The following UNC79 variants were observed in gnomAD, a reference collection of about 807,000 sequenced individuals.
The protein encoded by UNC79 is protein unc-79 homolog.
Under a neutral mutation model 283.1 loss-of-function variants are expected in UNC79, and 37 were observed. The ratio of observed to expected loss-of-function variants is 0.13; its 90% CI spans 0.10 to 0.17. The LOEUF is 0.17. UNC79 is among the 10% of genes least tolerant of loss of function. UNC79 has a pLI of 1.00. For synonymous variants in UNC79, 1,107 were observed against 1,200.2 expected (o/e 0.92, Z 1.61); for missense variants, 2,272 against 3,211.1 (o/e 0.71, Z 7.07).
intron 25 of UNC79, among the ~76,000 whole-genome samples, 181 bp downstream of exon 25, chr14:93,600,951 T>C (rs1331959531): frequency 6.6e-6 from 1 of 152,224 alleles, no homozygotes; most frequent in Non-Finnish European, 1.5e-5. Context: ...AAGCATATCC[T>C]GGCATTCCAA....
In UNC79 at chr14:93,618,370, C is replaced by G. The variant is rs2139867946; in HGVS notation, c.4387+16C>G. ...AAAGAAAAAGGTACATATCTAAATT[C>G]TATCCCAAACCTAGCTTCAATACAT... is the stretch of plus-strand genomic sequence containing the variant. On this transcript the variant is annotated intron_variant, in intron 29 of 48. Coordinates refer to ENST00000555664, the Ensembl canonical transcript of UNC79. 6.3e-7 allele frequency: 1 copy of G among 1,595,080 alleles called. No individual in the cohort carries two copies. The highest frequency in any genetic ancestry group is 8.5e-7 in the Non-Finnish European group (1 of 1,172,648).
intron 19 of UNC79, among the ~76,000 whole-genome samples, chr14:93,580,980 A>G (rs1250699732): frequency 6.6e-6 from 1 of 152,066 alleles, no homozygotes; most frequent in African/African-American, 2.4e-5. Context: ...AAGTGCTGGG[A>G]TTACAGGCAT....
chr14:93,560,495 G>A (rs374011456), intron 14 of UNC79, among the ~76,000 whole-genome samples: 1 of 152,150 alleles, frequency 6.6e-6, no homozygotes, highest in South Asian at 2.1e-4. Flanking sequence ...GAGAGGCTAC[G>A]GAAGGTCGTG....
At chr14:93,393,633 G>A (rs1017936559) in intron 1 of UNC79, among the ~76,000 whole-genome samples, 4 of 152,094 alleles carry the variant, frequency 2.6e-5, no homozygotes, top group South Asian at 2.1e-4. Context: ...ACTTTTCTAG[G>A]TAGACTGGAT....
chr14:93,610,102 T>G (rs146272560), intron 26 of UNC79, among the ~76,000 whole-genome samples: 131 of 152,322 alleles, frequency 8.6e-4, no homozygotes, highest in African/African-American at 3.0e-3. Flanking sequence ...GGTTGCACAT[T>G]GTTTAGAAAC....
intron 33 of UNC79, 135 bp downstream of exon 36, chr14:93,641,382 A>G (rs1047039934): frequency 1.3e-6 from 1 of 791,514 alleles, no homozygotes; most frequent in Non-Finnish European, 2.0e-6. Context: ...TGCCTGGCAC[A>G]CAGATGCTTG....
chr14:93,540,592 C>T (rs2061329907), intron 12 of UNC79, 68 bp from the exon 13 acceptor site: 1 of 1,552,300 alleles, frequency 6.4e-7, no homozygotes, highest in African/African-American at 1.4e-5. Flanking sequence ...GGTACTTCCT[C>T]TGAATGGGTC....
chr14:93,666,750 A>G (rs1212014301), intron 40 of UNC79, among the ~76,000 whole-genome samples: 1 of 152,240 alleles, frequency 6.6e-6, no homozygotes, highest in African/African-American at 2.4e-5. Flanking sequence ...AGTGGATGCA[A>G]CGGTCATATA....
chr14:93,509,312 C>T (rs1164008505), intron 7 of UNC79, among the ~76,000 whole-genome samples: 1 of 152,088 alleles, frequency 6.6e-6, no homozygotes, highest in Non-Finnish European at 1.5e-5. Flanking sequence ...CCCTTGGCCC[C>T]TCCAAAATAT....
chr14:93,682,761 CT>C, intron 42 of UNC79, 67 bp downstream of exon 45: 1 of 1,500,880 alleles, frequency 6.7e-7, no homozygotes, highest in South Asian at 1.2e-5. Context: ...AGAATGTAGG[CT>C]TTAGACTTAC....
intron 1 of UNC79, among the ~76,000 whole-genome samples, chr14:93,351,677 T>A (rs1443296023): frequency 6.6e-6 from 1 of 152,202 alleles, no homozygotes; most frequent in African/African-American, 2.4e-5. Context: ...TGTGTATATA[T>A]ACACATTTAT....
At chr14:93,664,919 C>G (rs1341918945) in intron 40 of UNC79, among the ~76,000 whole-genome samples, 1 of 151,988 alleles carries the variant, frequency 6.6e-6, no homozygotes, top group African/African-American at 2.4e-5. Context: ...AACATGAGCT[C>G]ATAATCTAAA....
intron 1 of UNC79, among the ~76,000 whole-genome samples, chr14:93,415,447 T>C (rs79100800): frequency 1.3e-4 from 19 of 151,652 alleles, no homozygotes; most frequent in African/African-American, 3.7e-4. Context: ...ATTTTTTGCA[T>C]CAATGTTCAT....
intron 1 of UNC79, among the ~76,000 whole-genome samples, chr14:93,376,784 TA>T (rs2054568452): frequency 6.6e-6 from 1 of 151,644 alleles, no homozygotes; most frequent in Admixed American, 6.6e-5. Flanking sequence ...AATATACTCC[TA>T]GGTTGGAATT....
At chr14:93,669,308 G>A (rs879823555) in intron 40 of UNC79, among the ~76,000 whole-genome samples, 1 of 152,144 alleles carries the variant, frequency 6.6e-6, no homozygotes, top group Non-Finnish European at 1.5e-5. Flanking sequence ...ATAGAGAAGG[G>A]TTATGAGGCT....
At position 93,582,283 on chromosome 14, in the gene UNC79, G is replaced by A. The variant is rs763531213; in HGVS notation, c.2742G>A (p.Glu914=). 9.3e-6 allele frequency: 15 copies of A among 1,614,060 alleles called. No homozygotes were observed. The African/African-American group carries it at 2.0e-4, about 22-fold the overall frequency. Residue 914 remains glutamate, a synonymous_variant, in exon 20 of 49, where the codon GAG becomes GAA. Coordinates refer to ENST00000555664, the Ensembl canonical transcript of UNC79. ...TAGGCCCTGAAGGGGAGGAGGAGGAGAATCCTGCAAGCAAGCATGGGGAGA... is the reference window on the plus strand; with the variant it reads ...TAGGCCCTGAAGGGGAGGAGGAGGAAAATCCTGCAAGCAAGCATGGGGAGA...
chr14:93,542,751 T>G, intron 14 of UNC79, 55 bp downstream of exon 14: 1 of 1,581,360 alleles, frequency 6.3e-7, no homozygotes, highest in South Asian at 1.1e-5. Context: ...TGGGGAGAAG[T>G]GCTGCCTTAG....
intron 30 of UNC79, 33 bp downstream of exon 32, chr14:93,622,874 A>T: frequency 6.3e-7 from 1 of 1,594,078 alleles, no homozygotes; most frequent in South Asian, 1.1e-5. Flanking sequence ...TCTCAGCCTT[A>T]ACTTTAAGTT....
At chr14:93,459,961 C>T (rs2056904862) in intron 1 of UNC79, among the ~76,000 whole-genome samples, 1 of 113,754 alleles carries the variant, frequency 8.8e-6, no homozygotes, top group Non-Finnish European at 1.8e-5. Flanking sequence ...TGAGCCACCG[C>T]GCCCGGCCCT....
Sources: allele counts gnomAD v4.1 joint callset (sites outside exome capture counted in the v4.1 genomes callset), GRCh38; gene constraint gnomAD v4.1.1; transcripts MANE v1.5; gene names NCBI Gene and HGNC (gene_info 2026-07-23, HGNC 2026-07-21).